Variants in RAPGEF5 observed in about 807,000 individuals in gnomAD.
RAPGEF5 encodes Rap guanine nucleotide exchange factor 5.
Under a neutral mutation model 125.2 loss-of-function variants are expected in RAPGEF5, and 65 were observed. That is an observed-to-expected ratio of 0.52 (90% CI 0.43 to 0.64). The LOEUF is 0.64. Among genes scored for constraint, RAPGEF5 ranks in the 30% least tolerant of loss-of-function variants. The pLI is 0.00. For missense variants in RAPGEF5, 958 were observed against 1,048.1 expected, an observed-to-expected ratio of 0.91 and a Z score of 1.19; for synonymous variants, 391 against 385.9, an observed-to-expected ratio of 1.01 and a Z score of -0.16.
chr7:22,271,492 T>C (rs530165557), intron 6 of RAPGEF5, among the ~76,000 whole-genome samples: 1 of 152,334 alleles, frequency 6.6e-6, no homozygotes, highest in African/African-American at 2.4e-5. Context: ...CTTACTATAG[T>C]AGCAGTTCGA....
At chr7:22,258,142 A>G (rs4722119) in intron 7 of RAPGEF5, among the ~76,000 whole-genome samples, 60,586 of 152,030 alleles carry the variant, frequency 0.4, 12,915 homozygotes, top group East Asian at 0.73. Context: ...AAAAAGAGCC[A>G]ACTAGAAGAG....
chr7:22,292,743 C>A (rs1324092925), intron 5 of RAPGEF5, among the ~76,000 whole-genome samples: 1 of 152,206 alleles, frequency 6.6e-6, no homozygotes, highest in African/African-American at 2.4e-5. Context: ...AAAACAAGGG[C>A]TTCTGCTGCT....
At chr7:22,156,911 C>T (rs774242163) in intron 15 of RAPGEF5, 23 bp from the exon 16 acceptor site, 1 of 1,613,700 alleles carries the variant, frequency 6.2e-7, no homozygotes, top group Non-Finnish European at 8.5e-7. Flanking sequence ...AGAAAGAGAA[C>T]AATGAATGAA....
chr7:22,230,782 G>GCACTGTCT lies in RAPGEF5; in HGVS notation c.870+56_870+63dup, dbSNP rs1217773745. 6 of 1,405,084 alleles carry GCACTGTCT rather than the reference G, an allele frequency of 4.3e-6. No homozygotes were observed. In the African/African-American group the frequency reaches 8.6e-5, roughly 20 times the overall value. The allele number at this position is 1,405,084 out of a possible 1,614,324, so 87.0% of individuals were successfully genotyped here. ...AAACCTATATCATTTTTTAACACCT[G>GCACTGTCT]CACTGTCTCACCACCCTCAACACAG... is the stretch of plus-strand genomic sequence containing the variant. On this transcript the variant is annotated intron_variant, in intron 8 of 25. Transcript: ENST00000665637.
intron 25 of RAPGEF5, among the ~76,000 whole-genome samples, chr7:22,123,150 A>C (rs983471496): frequency 6.6e-6 from 1 of 152,208 alleles, no homozygotes; most frequent in Non-Finnish European, 1.5e-5. Flanking sequence ...TATGGACTAA[A>C]GTCTACCCAG....
chr7:22,130,925 C>A, intron 24 of RAPGEF5, 112 bp downstream of exon 24: 1 of 1,401,288 alleles, frequency 7.1e-7, no homozygotes, highest in Non-Finnish European at 9.6e-7. Flanking sequence ...TCCTTGAATT[C>A]GCCATGCATC....
chr7:22,123,709 T>C (rs368867134), intron 25 of RAPGEF5, among the ~76,000 whole-genome samples: 139 of 152,342 alleles, frequency 9.1e-4, no homozygotes, highest in African/African-American at 3.0e-3. Flanking sequence ...GTTTATACCA[T>C]CCCACCTGTT....
chr7:22,230,771 T>C (rs1449997336), intron 8 of RAPGEF5, 75 bp downstream of exon 8: 1 of 1,343,440 alleles, frequency 7.4e-7, no homozygotes, highest in East Asian at 2.5e-5. Flanking sequence ...CTATATCATT[T>C]TTTAACACCT....
intron 9 of RAPGEF5, among the ~76,000 whole-genome samples, chr7:22,218,762 G>C (rs1024500633): frequency 6.6e-6 from 1 of 152,180 alleles, no homozygotes; most frequent in African/African-American, 2.4e-5. Context: ...TCCAAGCAAA[G>C]TGAAGGTTGC....
intron 1 of RAPGEF5, among the ~76,000 whole-genome samples, chr7:22,341,321 A>G (rs952222728): frequency 6.6e-6 from 1 of 152,186 alleles, no homozygotes; most frequent in African/African-American, 2.4e-5. Flanking sequence ...CTGCCCTGTG[A>G]TTCAATTACC....
chr7:22,280,710 T>C (rs185225936), intron 6 of RAPGEF5, among the ~76,000 whole-genome samples: 1 of 152,328 alleles, frequency 6.6e-6, no homozygotes, highest in East Asian at 1.9e-4. Context: ...ACTGGAAACA[T>C]ATAGGTACAA....
chr7:22,126,706 C>T (rs1021279482), intron 24 of RAPGEF5, among the ~76,000 whole-genome samples: 1 of 152,000 alleles, frequency 6.6e-6, no homozygotes, highest in Non-Finnish European at 1.5e-5. Flanking sequence ...CTCTGCCTCA[C>T]CAGTTCAAGC....
chr7:22,285,097 G>GAC (rs1562508173), intron 6 of RAPGEF5, among the ~76,000 whole-genome samples: 6 of 152,188 alleles, frequency 3.9e-5, no homozygotes, highest in Middle Eastern at 3.2e-3. Context: ...ACAGAGCACC[G>GAC]TGGAGTACCA....
chr7:22,178,766 G>A (rs1378573178), intron 11 of RAPGEF5, among the ~76,000 whole-genome samples: 1 of 152,076 alleles, frequency 6.6e-6, no homozygotes, highest in African/African-American at 2.4e-5. Context: ...AGCTTCATTA[G>A]GTAGGCATGA....
chr7:22,230,938 A>G lies in RAPGEF5; in HGVS notation c.797-19T>C. 6.5e-7 allele frequency: 1 copy of G among 1,547,286 alleles called. No individual in the cohort carries two copies. Among genetic ancestry groups the G allele is most frequent in the Non-Finnish European group, 8.8e-7 (1 of 1,142,200 alleles). On this transcript the variant is annotated intron_variant, in intron 7 of 25. Coordinates refer to ENST00000665637, the MANE Select transcript of RAPGEF5 (RefSeq NM_012294.5). ...TCAATTGCTTAAAAAAAAGAACACC[A>G]TTAAACAAATGTATCATCATACAAA...
Position 22,140,131 on chromosome 7 carries a change from G to A in RAPGEF5, c.2187-16C>T, listed in dbSNP as rs370301004. 1.9e-6 allele frequency: 3 copies of A among 1,540,334 alleles called. No homozygotes were observed. The highest frequency in any genetic ancestry group is 1.4e-5 in the African/African-American group (1 of 72,944). Reference sequence around the variant, plus strand: ...GGCTTTGCAGCTATAAAATAAAAGAGAGTAGAGGACACTTTGAGGAAACAT... The same window carrying A: ...GGCTTTGCAGCTATAAAATAAAAGAAAGTAGAGGACACTTTGAGGAAACAT... On this transcript the variant is annotated splice_polypyrimidine_tract_variant and intron_variant, in intron 20 of 25. Coordinates refer to ENST00000665637, the MANE Select transcript of RAPGEF5 (RefSeq NM_012294.5).
At chr7:22,167,396 T>C (rs927220788) in intron 11 of RAPGEF5, among the ~76,000 whole-genome samples, 5 of 152,238 alleles carry the variant, frequency 3.3e-5, no homozygotes, top group African/African-American at 1.2e-4. Flanking sequence ...CATACAATTT[T>C]GTTATCATCT....
intron 1 of RAPGEF5, among the ~76,000 whole-genome samples, chr7:22,349,905 C>T (rs1458373237): frequency 2.0e-5 from 3 of 152,210 alleles, no homozygotes; most frequent in Admixed American, 1.3e-4. Context: ...AATACCTCTT[C>T]CCTTCAGGGG....
chr7:22,154,176 A>G (rs931103078), intron 17 of RAPGEF5, among the ~76,000 whole-genome samples: 2 of 152,190 alleles, frequency 1.3e-5, no homozygotes, highest in Non-Finnish European at 2.9e-5. Flanking sequence ...AGGAAAATAG[A>G]AGGCTTATCT....
Sources: allele counts gnomAD v4.1 joint callset (sites outside exome capture counted in the v4.1 genomes callset), GRCh38; gene constraint gnomAD v4.1.1; transcripts MANE v1.5; gene names NCBI Gene and HGNC (gene_info 2026-07-23, HGNC 2026-07-21).